CLSTN2: variants seen among roughly 807,000 people sequenced by gnomAD.
CLSTN2 encodes calsyntenin 2, also known as calsyntenin-2.
In CLSTN2, 48 loss-of-function variants were observed where a neutral mutation model predicts 101.2. The ratio of observed to expected loss-of-function variants is 0.47; its 90% CI spans 0.38 to 0.60. The LOEUF is 0.60. Ranked by LOEUF, CLSTN2 falls within the 20% of genes least tolerant of loss-of-function variation. The probability of loss-of-function intolerance (pLI) is 0.00; values close to 1 mark genes in which losing one functional copy is unlikely to be tolerated. For missense variants in CLSTN2, 1,160 were observed against 1,238.2 expected (o/e 0.94, Z 0.95); for synonymous variants, 481 against 463.6 (o/e 1.04, Z -0.48).
chr3:140,148,122 C>T (rs1302929262), intron 1 of CLSTN2, among the ~76,000 whole-genome samples: 1 of 152,148 alleles, frequency 6.6e-6, no homozygotes, highest in East Asian at 1.9e-4. Context: ...CGCAATTGCT[C>T]CCCACCACCT....
rs35463586 is a variant in CLSTN2, at chr3:140,418,517, C to CT, written c.638-2592dup. On this transcript the variant is annotated intron_variant, in intron 4 of 16. Coordinates refer to ENST00000458420, the MANE Select transcript of CLSTN2 (RefSeq NM_022131.3). ...TCTTTCTTTCTTTCTTTCTTTCTTT[C>CT]TTTTTTTTTTTTTTTTCTGAGACGG... is the stretch of plus-strand genomic sequence containing the variant. Among the ~76,000 whole-genome samples, 190 of 41,274 alleles carry CT rather than the reference C, an allele frequency of 4.6e-3. 1 individual carries two copies. The highest frequency in any genetic ancestry group is 0.016 in the East Asian group (12 of 754). The allele number at this position is 41,274 out of a possible 152,430, so 27.1% of individuals were successfully genotyped here. A position where few individuals can be genotyped will look rare whatever the true frequency, so the allele number is the denominator to read the frequency against.
At chr3:140,280,484 G>C (rs2086835089) in intron 2 of CLSTN2, among the ~76,000 whole-genome samples, 1 of 152,204 alleles carries the variant, frequency 6.6e-6, no homozygotes, top group South Asian at 2.1e-4. Context: ...GGACTAGTTT[G>C]AGGAGAATTC....
chr3:140,314,111 A>G (rs1269698271), intron 2 of CLSTN2, among the ~76,000 whole-genome samples: 2 of 152,208 alleles, frequency 1.3e-5, no homozygotes, highest in Non-Finnish European at 2.9e-5. Flanking sequence ...TCCCTGTCTC[A>G]TGCAATCATC....
chr3:139,986,476 G>A (rs974151922), intron 1 of CLSTN2, among the ~76,000 whole-genome samples: 1 of 152,078 alleles, frequency 6.6e-6, no homozygotes, highest in South Asian at 2.1e-4. Context: ...ACCCTGCAGG[G>A]CCTGGAATAC....
intron 2 of CLSTN2, among the ~76,000 whole-genome samples, chr3:140,237,001 G>T (rs916616009): frequency 1.3e-5 from 2 of 151,482 alleles, no homozygotes; most frequent in African/African-American, 2.4e-5. Context: ...CTATTTCTAC[G>T]AACTATCTCT....
intron 2 of CLSTN2, among the ~76,000 whole-genome samples, chr3:140,185,456 C>T (rs967369847): frequency 2.0e-5 from 3 of 152,176 alleles, no homozygotes; most frequent in Admixed American, 6.5e-5. Flanking sequence ...TGGCATGCTT[C>T]GTCGACAAGT....
At chr3:140,053,296 A>C (rs1256759543) in intron 1 of CLSTN2, among the ~76,000 whole-genome samples, 1 of 152,240 alleles carries the variant, frequency 6.6e-6, no homozygotes, top group Non-Finnish European at 1.5e-5. Context: ...ACCAGCACAC[A>C]GGATGATGTA....
At chr3:140,112,034 T>C (rs1423232334) in intron 1 of CLSTN2, among the ~76,000 whole-genome samples, 5 of 152,222 alleles carry the variant, frequency 3.3e-5, no homozygotes, top group Admixed American at 6.5e-5. Context: ...TATATGCAGT[T>C]TGCAGGTACC....
intron 2 of CLSTN2, among the ~76,000 whole-genome samples, chr3:140,218,744 C>T (rs1353757416): frequency 1.3e-5 from 2 of 152,090 alleles, no homozygotes; most frequent in African/African-American, 4.8e-5. Flanking sequence ...AACTAAAGCC[C>T]CATGAAACCT....
At chr3:140,133,256 G>A (rs1393214552) in intron 1 of CLSTN2, among the ~76,000 whole-genome samples, 2 of 152,122 alleles carry the variant, frequency 1.3e-5, no homozygotes, top group Non-Finnish European at 2.9e-5. Flanking sequence ...ATGTAGAGGG[G>A]ACCAAGCCAT....
chr3:140,384,355 A>G (rs1011900751), intron 2 of CLSTN2, among the ~76,000 whole-genome samples: 5 of 152,186 alleles, frequency 3.3e-5, no homozygotes, highest in Non-Finnish European at 7.3e-5. Context: ...AGTCTTAATT[A>G]TCCTCCCTGG....
chr3:140,271,239 G>T (rs1416256432), intron 2 of CLSTN2, among the ~76,000 whole-genome samples: 1 of 152,128 alleles, frequency 6.6e-6, no homozygotes, highest in African/African-American at 2.4e-5. Flanking sequence ...TGAGATGGCA[G>T]AAGCCCAAAT....
At chr3:140,381,298 T>C (rs1388841356) in intron 2 of CLSTN2, among the ~76,000 whole-genome samples, 1 of 152,216 alleles carries the variant, frequency 6.6e-6, no homozygotes, top group Non-Finnish European at 1.5e-5. Context: ...CCCACCCTAG[T>C]GACTTCATTT....
intron 4 of CLSTN2, among the ~76,000 whole-genome samples, chr3:140,419,525 G>A (rs1348599566): frequency 2.3e-5 from 1 of 43,666 alleles, no homozygotes; most frequent in Admixed American, 2.0e-4. Flanking sequence ...ACACACATAT[G>A]TGTGTGTATA....
chr3:140,298,505 TG>T (rs1330210130), intron 2 of CLSTN2, among the ~76,000 whole-genome samples: 1 of 152,170 alleles, frequency 6.6e-6, no homozygotes, highest in Non-Finnish European at 1.5e-5. Flanking sequence ...CAGTTGTCTA[TG>T]ATAAAAAATG....
chr3:140,229,874 G>A (rs1343066963), intron 2 of CLSTN2, among the ~76,000 whole-genome samples: 6 of 152,022 alleles, frequency 3.9e-5, no homozygotes, highest in African/African-American at 9.7e-5. Flanking sequence ...GCTTTCAGTC[G>A]GCTAGCTTTT....
At position 140,546,612 on chromosome 3, in the gene CLSTN2, C is replaced by T; in HGVS notation, c.1605C>T (p.Ile535=). The T allele has an allele frequency of 6.2e-7, 1 of 1,614,078 alleles. No individual in the cohort carries two copies. Among genetic ancestry groups the T allele is most frequent in the Non-Finnish European group, 8.5e-7 (1 of 1,179,982 alleles). The change falls in exon 10 of 17, where the codon ATC becomes ATT. Residue 535 remains isoleucine, a synonymous_variant. Transcript: ENST00000458420. ...GCAAAATGGAAAGCCAGAAGGTGAT[C>T]TCCTGCCTGCAGGCCTGCAAGGAAG... ...RPGKMESQKV[I]SCLQACKEGL...
chr3:140,224,963 G>A (rs2086305563), intron 2 of CLSTN2, among the ~76,000 whole-genome samples: 1 of 152,238 alleles, frequency 6.6e-6, no homozygotes, highest in Non-Finnish European at 1.5e-5. Context: ...AGGAAGGGCA[G>A]CCATAGAAAA....
intron 2 of CLSTN2, among the ~76,000 whole-genome samples, chr3:140,240,162 C>A (rs2086448856): frequency 1.1e-4 from 2 of 18,022 alleles, no homozygotes; most frequent in Non-Finnish European, 5.3e-4. Context: ...GTCTCTCTCT[C>A]TCTCTCTCTC....
Sources: allele counts gnomAD v4.1 joint callset (sites outside exome capture counted in the v4.1 genomes callset), GRCh38; gene constraint gnomAD v4.1.1; transcripts MANE v1.5; gene names NCBI Gene and HGNC (gene_info 2026-07-23, HGNC 2026-07-21).